PIAS1: variants seen among roughly 807,000 people sequenced by gnomAD.
PIAS1 encodes the protein E3 SUMO-protein ligase PIAS1.
Under a neutral mutation model 71.3 loss-of-function variants are expected in PIAS1, and 6 were observed. The ratio of observed to expected loss-of-function variants is 0.08; its 90% confidence interval spans 0.05 to 0.17. PIAS1 has a LOEUF of 0.17. PIAS1 is among the 10% of genes least tolerant of loss of function. PIAS1 has a pLI of 1.00. For missense variants in PIAS1, 555 were observed against 793.6 expected (o/e 0.70, Z 3.61); for synonymous variants, 303 against 292.9 (o/e 1.03, Z -0.35).
At chr15:68,161,095 T>G (rs544448072) in intron 7 of PIAS1, among the ~76,000 whole-genome samples, 1 of 152,332 alleles carries the variant, frequency 6.6e-6, no homozygotes, top group East Asian at 1.9e-4. Flanking sequence ...AAATACTATG[T>G]GAGTTTAGCA....
At chr15:68,141,904 G>A (rs758290519) in intron 2 of PIAS1, 42 bp from the exon 3 acceptor site, 24 of 1,285,344 alleles carry the variant, frequency 1.9e-5, no homozygotes, top group South Asian at 5.2e-5. Flanking sequence ...CTTTACTGGC[G>A]AATTTAAAGG....
intron 2 of PIAS1, among the ~76,000 whole-genome samples, chr15:68,126,829 A>G (rs926526192): frequency 3.6e-5 from 4 of 112,124 alleles, no homozygotes; most frequent in African/African-American, 6.1e-5. Context: ...GTTCCCAGCT[A>G]CCTTTTTTTT....
chr15:68,101,082 T>C (rs1436214508), intron 2 of PIAS1, among the ~76,000 whole-genome samples: 3 of 151,956 alleles, frequency 2.0e-5, no homozygotes, highest in African/African-American at 7.2e-5. Context: ...GTATTTTCTG[T>C]AGAGACAGGG....
intron 12 of PIAS1, 38 bp from the exon 13 acceptor site, chr15:68,183,592 C>G (rs764757285): frequency 1.2e-6 from 1 of 800,434 alleles, no homozygotes; most frequent in South Asian, 1.7e-5. Context: ...GTTTTTCCTT[C>G]TTTTTTTTTT....
At chr15:68,088,301 T>C (rs1320597483) in intron 2 of PIAS1, among the ~76,000 whole-genome samples, 1 of 151,134 alleles carries the variant, frequency 6.6e-6, no homozygotes, top group South Asian at 2.1e-4. Flanking sequence ...TATTGATCAG[T>C]TGATGAAAAC....
At chr15:68,111,602 A>T in intron 2 of PIAS1, among the ~76,000 whole-genome samples, 1 of 152,332 alleles carries the variant, frequency 6.6e-6, no homozygotes, top group East Asian at 1.9e-4. Context: ...TTAAAGATTT[A>T]AATGCTTAAA....
intron 8 of PIAS1, among the ~76,000 whole-genome samples, chr15:68,168,180 T>C (rs1019828645): frequency 3.9e-5 from 6 of 151,984 alleles, no homozygotes; most frequent in Non-Finnish European, 8.8e-5. Flanking sequence ...GGCTAATTTT[T>C]GTATTTTCAG....
At chr15:68,090,796 TA>T (rs1420420142) in intron 2 of PIAS1, among the ~76,000 whole-genome samples, 9 of 152,028 alleles carry the variant, frequency 5.9e-5, no homozygotes, top group Non-Finnish European at 8.8e-5. Flanking sequence ...ATACTCCATT[TA>T]AAAAAAATTT....
Position 68,177,278 on chromosome 15 carries a change from CAAAAAAAAAAA to C in PIAS1, c.1481+633_1481+643del, listed in dbSNP as rs3083984. Reference sequence around the variant, plus strand: ...TGGGCAACAGAGCGAGACTTTGTCTCAAAAAAAAAAAAAAAAAAAGAAAGAAAAAATTTGTA... The same window carrying C: ...TGGGCAACAGAGCGAGACTTTGTCTCAAAAAAAAGAAAGAAAAAATTTGTA... On this transcript the variant is annotated intron_variant, in intron 11 of 13. Transcript: ENST00000249636. 1.4e-4 allele frequency among the ~76,000 whole-genome samples: 13 copies of C among 90,874 alleles called. 1 individual carries two copies. The highest frequency in any genetic ancestry group is 1.9e-4 in the Non-Finnish European group (9 of 48,644). 59.6% of individuals were successfully genotyped at this position (90,874 alleles called of 152,430 possible).
At chr15:68,132,926 TCA>T (rs2092697625) in intron 2 of PIAS1, among the ~76,000 whole-genome samples, 1 of 152,012 alleles carries the variant, frequency 6.6e-6, no homozygotes, top group South Asian at 2.1e-4. Flanking sequence ...TCTCTGTCTC[TCA>T]TAGGTAATCA....
intron 10 of PIAS1, among the ~76,000 whole-genome samples, 168 bp from the exon 11 acceptor site, chr15:68,176,306 T>C (rs1033054279): frequency 1.3e-5 from 2 of 152,192 alleles, no homozygotes; most frequent in Non-Finnish European, 2.9e-5. Flanking sequence ...TTTACTATTA[T>C]TAAATAATAG....
chr15:68,088,176 G>GTGTGTATATA (rs150997979), intron 2 of PIAS1, among the ~76,000 whole-genome samples: 3 of 73,008 alleles, frequency 4.1e-5, no homozygotes, highest in African/African-American at 1.9e-4. Flanking sequence ...TTATGTGTGT[G>GTGTGTATATA]TATATATATA....
At position 68,160,053 on chromosome 15, in the gene PIAS1, C is replaced by T. The variant is rs529788379; in HGVS notation, c.935-4678C>T. 2.0e-5 allele frequency among the ~76,000 whole-genome samples: 3 copies of T among 152,232 alleles called. 1 individual carries two copies. In the South Asian group the frequency reaches 6.2e-4, roughly 32 times the overall value. On this transcript the variant is annotated intron_variant, in intron 7 of 13. Transcript: ENST00000249636. ...TAGTGGTATTTCTTTGTGCATTTTT[C>T]TGATGTCTAAGGATGTTAAGCATCT...
chr15:68,161,416 G>A (rs2092923387), intron 7 of PIAS1, among the ~76,000 whole-genome samples: 1 of 151,274 alleles, frequency 6.6e-6, no homozygotes, highest in South Asian at 2.1e-4. Flanking sequence ...ATCCCGGTAG[G>A]ACCTTAAAAA....
rs2093078927 is a variant in PIAS1 at position 68,185,028 on chromosome 15, T to C, written c.1662+1361T>C. 6.5e-6 allele frequency: 1 copy of C among 153,140 alleles called. No homozygotes were observed. Among genetic ancestry groups the C allele is most frequent in the Non-Finnish European group, 1.5e-5 (1 of 68,036 alleles). The allele number at this position is 153,140 out of a possible 1,614,324, so 9.5% of individuals were successfully genotyped here. A position where few individuals can be genotyped will look rare whatever the true frequency, so the allele number is the denominator to read the frequency against. ...GAGAAGTACTGTTGAGAGAGTAACA[T>C]ACTTTTCAAGATGATGATTTTTGTT... On this transcript the variant is annotated intron_variant, in intron 13 of 13. Coordinates refer to ENST00000249636, the MANE Select transcript of PIAS1 (RefSeq NM_016166.3). The surrounding 1 kb of genome is among the most constrained non-coding windows in gnomAD (Gnocchi z 4.4).
intron 11 of PIAS1, among the ~76,000 whole-genome samples, chr15:68,179,359 A>T (rs906359299): frequency 6.6e-6 from 1 of 152,134 alleles, no homozygotes; most frequent in Non-Finnish European, 1.5e-5. Flanking sequence ...ATAATCTCTT[A>T]GACATTGTGA....
At chr15:68,150,631 A>C (rs1213714394) in intron 6 of PIAS1, among the ~76,000 whole-genome samples, 2 of 152,174 alleles carry the variant, frequency 1.3e-5, no homozygotes, top group African/African-American at 2.4e-5. Context: ...TTATATTGTA[A>C]CTTCTTGCTC....
intron 2 of PIAS1, among the ~76,000 whole-genome samples, chr15:68,124,576 C>G (rs190535939): frequency 1.3e-5 from 2 of 151,938 alleles, no homozygotes; most frequent in Admixed American, 1.3e-4. Flanking sequence ...ACAAAATTAG[C>G]CGGGTGTGGT....
At position 68,188,073 on chromosome 15, in the gene PIAS1, AAAGG is replaced by A; in HGVS notation, c.*241_*244del. Reference sequence around the variant, plus strand: ...TGATAAAACACTTGTTTAAAAAAAAAAAGGAAAGAAAAGAAAAAAGAAAAACAAG... The same window carrying A: ...TGATAAAACACTTGTTTAAAAAAAAAAAAGAAAAGAAAAAAGAAAAACAAG... On this transcript the variant is annotated 3_prime_UTR_variant, in exon 14 of 14. Transcript: ENST00000249636. 3.3e-6 allele frequency: 1 copy of A among 303,986 alleles called. No homozygotes were observed. Among genetic ancestry groups the A allele is most frequent in the Non-Finnish European group, 6.0e-6 (1 of 165,872 alleles). 18.8% of individuals were successfully genotyped at this position (303,986 alleles called of 1,614,324 possible).
Sources: gnomAD v4.1 joint callset for allele counts (sites outside exome capture counted in the v4.1 genomes callset) on GRCh38, gnomAD v4.1.1 for gene constraint, Gnocchi (gnomAD v3.1) non-coding constraint, MANE v1.5 for transcripts, NCBI Gene and HGNC (gene_info 2026-07-23, HGNC 2026-07-21) for gene names.